The following TAS2R1 variants were observed in gnomAD, a reference collection of about 807,000 sequenced individuals.
The protein encoded by TAS2R1 is taste 2 receptor member 1.
For missense variants in TAS2R1, 370 were observed against 353.4 expected (o/e 1.05, Z -0.38); for synonymous variants, 141 against 134.2 (o/e 1.05, Z -0.35).
At chr5:9,641,116 A>G (rs544688111) in intron 2 of TAS2R1, among the ~76,000 whole-genome samples, 2 of 152,214 alleles carry the variant, frequency 1.3e-5, no homozygotes. Flanking sequence ...ATAGCAATAC[A>G]GTTTTTCGGC....
At chr5:9,880,701 C>A in the TAS2R1 span, among the ~76,000 whole-genome samples, 1 of 152,098 alleles carries the variant, frequency 6.6e-6, no homozygotes, top group African/African-American at 2.4e-5. Context: ...GCCATGTAGA[C>A]AACAACAGAC....
chr5:9,652,531 T>C (rs1406326142), intron 2 of TAS2R1, among the ~76,000 whole-genome samples: 1 of 152,180 alleles, frequency 6.6e-6, no homozygotes, highest in African/African-American at 2.4e-5. Context: ...GACGGAAGGA[T>C]GTGGCTTCCT....
the TAS2R1 span, among the ~76,000 whole-genome samples, chr5:9,781,990 C>T: frequency 2.5e-4 from 38 of 152,334 alleles, no homozygotes; most frequent in African/African-American, 9.1e-4. Context: ...GTTTTTTACA[C>T]TGATGTTTCT....
At chr5:9,865,713 G>A in the TAS2R1 span, among the ~76,000 whole-genome samples, 2 of 152,260 alleles carry the variant, frequency 1.3e-5, no homozygotes, top group Admixed American at 6.5e-5. Flanking sequence ...TCACTTTAAC[G>A]AGATTATTCA....
chr5:9,885,805 G>A, the TAS2R1 span, among the ~76,000 whole-genome samples: 3 of 151,978 alleles, frequency 2.0e-5, no homozygotes, highest in Non-Finnish European at 4.4e-5. Flanking sequence ...GTGTTTGTGT[G>A]ATAAATGCAT....
chr5:9,665,092 C>T (rs2126498311), intron 1 of TAS2R1, among the ~76,000 whole-genome samples: 1 of 152,268 alleles, frequency 6.6e-6, no homozygotes, highest in Admixed American at 6.5e-5. Context: ...GTCAGCTGGG[C>T]CACATTCTTT....
intron 1 of TAS2R1, among the ~76,000 whole-genome samples, chr5:9,690,197 G>C (rs1741210816): frequency 6.6e-6 from 1 of 151,950 alleles, no homozygotes; most frequent in African/African-American, 2.4e-5. Flanking sequence ...AAGCGTTCTT[G>C]TAATTTTTGT....
intron 1 of TAS2R1, among the ~76,000 whole-genome samples, chr5:9,704,403 C>A (rs1434820494): frequency 2.6e-5 from 4 of 151,368 alleles, no homozygotes; most frequent in Non-Finnish European, 4.4e-5. Flanking sequence ...AATTTAGTAA[C>A]ATGAAATAGT....
the TAS2R1 span, among the ~76,000 whole-genome samples, chr5:9,875,765 GAGT>G: frequency 2.9e-3 from 444 of 152,284 alleles, 6 homozygotes; most frequent in African/African-American, 0.01. Flanking sequence ...ATCTCCCTCC[GAGT>G]AGGTTAGAAG....
intron 1 of TAS2R1, among the ~76,000 whole-genome samples, chr5:9,696,556 C>T (rs189217307): frequency 6.6e-6 from 1 of 151,002 alleles, no homozygotes; most frequent in Admixed American, 6.6e-5. Flanking sequence ...AGCGAGATGC[C>T]ATCTCAAAAA....
At chr5:9,688,889 T>G (rs116084859) in intron 1 of TAS2R1, among the ~76,000 whole-genome samples, 4,385 of 152,222 alleles carry the variant, frequency 0.029, 78 homozygotes, top group African/African-American at 0.051. Flanking sequence ...CCCTCCTGTG[T>G]TCACAGCTTT....
chr5:9,828,642 T>C, the TAS2R1 span, among the ~76,000 whole-genome samples: 1 of 152,244 alleles, frequency 6.6e-6, no homozygotes, highest in South Asian at 2.1e-4. Flanking sequence ...GCATAATTCA[T>C]ATCCCTGTTT....
intron 1 of TAS2R1, among the ~76,000 whole-genome samples, chr5:9,677,939 T>A (rs2126507840): frequency 6.6e-6 from 1 of 152,280 alleles, no homozygotes; most frequent in South Asian, 2.1e-4. Flanking sequence ...TGGTGGCTCA[T>A]GCCTATAATC....
rs532925358 is a variant in TAS2R1 at position 9,710,280 on chromosome 5, C to T, written c.-242+1892G>A. Among the ~76,000 whole-genome samples, 5 of 152,210 alleles carry T rather than the reference C, an allele frequency of 3.3e-5. No individual in the cohort carries two copies. The South Asian group carries it at 1.0e-3, about 32-fold the overall frequency. ...ACAAAGAGTATGCTCTCCAACTTAT[C>T]GAGTGCCCTCCACTCACCCAAGGCC... On this transcript the variant is annotated intron_variant, in intron 1 of 2. Transcript: ENST00000506620.
At chr5:9,820,546 G>A in the TAS2R1 span, among the ~76,000 whole-genome samples, 1 of 152,140 alleles carries the variant, frequency 6.6e-6, no homozygotes, top group African/African-American at 2.4e-5. Context: ...TTTTTAGCAT[G>A]TAGTGGTGTC....
chr5:9,710,077 A>T (rs1387686667), intron 1 of TAS2R1, among the ~76,000 whole-genome samples: 1 of 152,256 alleles, frequency 6.6e-6, no homozygotes. Context: ...AGACATCATA[A>T]CATCTTGCCA....
the TAS2R1 span, among the ~76,000 whole-genome samples, chr5:9,766,467 T>C: frequency 5.9e-5 from 9 of 152,144 alleles, no homozygotes; most frequent in African/African-American, 2.2e-4. Flanking sequence ...CAATACAGAA[T>C]GGTGGTGAAG....
the TAS2R1 span, among the ~76,000 whole-genome samples, chr5:9,892,400 T>C: frequency 6.6e-6 from 1 of 152,226 alleles, no homozygotes; most frequent in Non-Finnish European, 1.5e-5. Context: ...ATCATGTTTT[T>C]CTTCCCATTC....
chr5:9,648,510 A>G lies in TAS2R1; in HGVS notation c.-81+10911T>C, dbSNP rs140335922. On this transcript the variant is annotated intron_variant, in intron 2 of 2. Coordinates refer to the TAS2R1 transcript ENST00000506620. ...AGTCAAGGTCTCTGAATCGTGGGGA[A>G]CATGAGGTAGTTACCCCAAGCAGAA... Among the ~76,000 whole-genome samples, 1,510 of 152,078 alleles carry G rather than the reference A, an allele frequency of 9.9e-3. 15 individuals carry two copies. Among genetic ancestry groups the G allele is most frequent in the Non-Finnish European group, 0.016 (1,112 of 67,992 alleles).
Sources: gnomAD v4.1 joint callset for allele counts (sites outside exome capture counted in the v4.1 genomes callset) on GRCh38, gnomAD v4.1.1 for gene constraint, MANE v1.5 for transcripts, NCBI Gene and HGNC (gene_info 2026-07-23, HGNC 2026-07-21) for gene names.